Variants in CA10 observed in about 807,000 individuals in gnomAD.
CA10 encodes the protein carbonic anhydrase-related protein 10.
A neutral mutation model predicts 44.2 loss-of-function variants in CA10; 14 were observed. The ratio of observed to expected loss-of-function variants is 0.32; its 90% confidence interval spans 0.21 to 0.50. The LOEUF (loss-of-function observed/expected upper bound fraction) is 0.50. Among genes scored for constraint, CA10 ranks in the 20% least tolerant of loss-of-function variants. The pLI, the probability that CA10 is intolerant of heterozygous loss-of-function variation, is 0.99. For synonymous variants in CA10, 159 were observed against 141.6 expected (o/e 1.12, Z -0.87); for missense variants, 350 against 409.7 (o/e 0.85, Z 1.26).
rs530781104 is a variant in CA10, at chr17:51,741,467, G to A, written c.465+6166C>T. ...CTAATGGAATTTAATGCTTTGGGTA[G>A]CCTTCATATAAACACTCCATCTTCA... is the stretch of plus-strand genomic sequence containing the variant. On this transcript the variant is annotated intron_variant, in intron 4 of 8. Transcript: ENST00000451037. 2.0e-5 allele frequency among the ~76,000 whole-genome samples: 3 copies of A among 152,266 alleles called. No homozygotes were observed. In the South Asian group the frequency reaches 6.2e-4, roughly 32 times the overall value.
At chr17:51,977,655 T>A (rs939925198) in intron 2 of CA10, among the ~76,000 whole-genome samples, 2 of 152,076 alleles carry the variant, frequency 1.3e-5, no homozygotes, top group Non-Finnish European at 2.9e-5. Context: ...ATTGACAGCA[T>A]TTCATTTAAT....
intron 4 of CA10, among the ~76,000 whole-genome samples, chr17:51,721,251 G>A (rs916429523): frequency 2.0e-5 from 3 of 152,178 alleles, no homozygotes; most frequent in Non-Finnish European, 2.9e-5. Flanking sequence ...AGAATCACTT[G>A]AACCTGGGAG....
At chr17:51,932,126 A>G (rs1280016570) in intron 2 of CA10, among the ~76,000 whole-genome samples, 1 of 152,056 alleles carries the variant, frequency 6.6e-6, no homozygotes, top group African/African-American at 2.4e-5. Context: ...GCAGGTAAGC[A>G]CAAGAACAAC....
Position 51,631,427 on chromosome 17 carries a change from G to GT in CA10, c.*156dup. The GT allele has an allele frequency of 5.4e-6, 4 of 736,962 alleles. No homozygotes were observed. The highest frequency in any genetic ancestry group is 9.7e-6 in the Non-Finnish European group (4 of 411,222). The allele number at this position is 736,962 out of a possible 1,614,324, so 45.7% of individuals were successfully genotyped here. A position where few individuals can be genotyped will look rare whatever the true frequency, so the allele number is the denominator to read the frequency against. Reference sequence around the variant, plus strand: ...GTGAGAGATGTATTCCTCTGCCATGGTTTTGCAGACACTTTTCATGAAGAA... The same window carrying GT: ...GTGAGAGATGTATTCCTCTGCCATGGTTTTTGCAGACACTTTTCATGAAGAA... On this transcript the variant is annotated 3_prime_UTR_variant, in exon 9 of 9. Coordinates refer to ENST00000451037, the MANE Select transcript of CA10 (RefSeq NM_020178.5).
intron 2 of CA10, among the ~76,000 whole-genome samples, chr17:51,931,763 G>A (rs1022463650): frequency 1.3e-5 from 2 of 152,090 alleles, no homozygotes; most frequent in African/African-American, 4.8e-5. Context: ...GCAGAAAAAT[G>A]ACATTAAGAG....
At chr17:52,054,274 G>A (rs542432925) in intron 2 of CA10, among the ~76,000 whole-genome samples, 69 of 152,188 alleles carry the variant, frequency 4.5e-4, no homozygotes, top group African/African-American at 1.3e-3. Flanking sequence ...TGTCTTTTAC[G>A]GTCGTACATA....
chr17:52,028,800 G>A (rs1395436000), intron 2 of CA10, among the ~76,000 whole-genome samples: 1 of 152,202 alleles, frequency 6.6e-6, no homozygotes, highest in South Asian at 2.1e-4. Context: ...CCACAAAATT[G>A]TTGACTCTTA....
chr17:51,769,092 C>T (rs1479902865), intron 3 of CA10, among the ~76,000 whole-genome samples: 2 of 152,094 alleles, frequency 1.3e-5, no homozygotes, highest in Non-Finnish European at 2.9e-5. Context: ...TCTGTTCTTG[C>T]CATTTGTTAA....
At chr17:52,147,770 G>C (rs1183897052) in intron 1 of CA10, among the ~76,000 whole-genome samples, 14 of 152,090 alleles carry the variant, frequency 9.2e-5, no homozygotes. Flanking sequence ...ATCACACCCA[G>C]GTCATACAAT....
intron 1 of CA10, among the ~76,000 whole-genome samples, chr17:52,098,975 C>T (rs2143240160): frequency 6.6e-6 from 1 of 152,178 alleles, no homozygotes; most frequent in African/African-American, 2.4e-5. Context: ...CTGCTGGGGT[C>T]AGATGTGCTC....
intron 3 of CA10, among the ~76,000 whole-genome samples, chr17:51,798,840 C>T (rs1028788938): frequency 2.0e-5 from 3 of 152,154 alleles, no homozygotes; most frequent in African/African-American, 7.2e-5. Flanking sequence ...TATGCTAGTA[C>T]ACTAATTTGG....
chr17:51,684,691 T>G (rs577686446), intron 4 of CA10, among the ~76,000 whole-genome samples: 1 of 152,330 alleles, frequency 6.6e-6, no homozygotes. Flanking sequence ...ACTATGAGAT[T>G]GGAAACTTCT....
At chr17:51,903,346 T>C (rs1981400202) in intron 3 of CA10, among the ~76,000 whole-genome samples, 2 of 152,164 alleles carry the variant, frequency 1.3e-5, no homozygotes, top group African/African-American at 2.4e-5. Context: ...ATATCCTTTA[T>C]TGTAATAATC....
At chr17:51,892,567 T>C (rs936706983) in intron 3 of CA10, among the ~76,000 whole-genome samples, 1 of 152,138 alleles carries the variant, frequency 6.6e-6, no homozygotes, top group Non-Finnish European at 1.5e-5. Context: ...CAGAAATGTA[T>C]AAAATGAGAT....
chr17:51,636,773 TTTTG>T (rs936999803), intron 6 of CA10, among the ~76,000 whole-genome samples: 28 of 45,776 alleles, frequency 6.1e-4, no homozygotes, highest in South Asian at 5.4e-3. Context: ...CAACTGATTA[TTTTG>T]TGTGTGTGTG....
intron 4 of CA10, among the ~76,000 whole-genome samples, chr17:51,717,500 C>T (rs1269622110): frequency 1.4e-5 from 2 of 141,904 alleles, no homozygotes; most frequent in Non-Finnish European, 3.0e-5. Context: ...CCCAAATGCC[C>T]GTCAATCAAC....
intron 4 of CA10, among the ~76,000 whole-genome samples, chr17:51,712,212 C>T (rs1011463937): frequency 1.3e-5 from 2 of 152,124 alleles, no homozygotes; most frequent in African/African-American, 4.8e-5. Context: ...GCTTCCATGC[C>T]CTTTCTACGC....
chr17:52,053,191 A>C (rs1567716842), intron 2 of CA10, among the ~76,000 whole-genome samples: 1 of 152,108 alleles, frequency 6.6e-6, no homozygotes, highest in East Asian at 1.9e-4. Context: ...TTGAAGGAAG[A>C]TGGTGAAATC....
At chr17:51,675,331 G>A (rs996101799) in intron 4 of CA10, among the ~76,000 whole-genome samples, 4 of 152,058 alleles carry the variant, frequency 2.6e-5, no homozygotes, top group East Asian at 1.9e-4. Context: ...AGGCCAAGGC[G>A]GGTGGATCAC....
Sources: allele counts gnomAD v4.1 joint callset (sites outside exome capture counted in the v4.1 genomes callset), GRCh38; gene constraint gnomAD v4.1.1; transcripts MANE v1.5; gene names NCBI Gene and HGNC (gene_info 2026-07-23, HGNC 2026-07-21).